The following RHEX variants were observed in gnomAD, a reference collection of about 807,000 sequenced individuals.
RHEX encodes regulator of hemoglobinization and erythroid cell expansion, also known as regulator of hemoglobinization and erythroid cell expansion protein.
Under a neutral mutation model 20.1 loss-of-function variants are expected in RHEX, and 18 were observed. The observed-to-expected ratio is 0.90, with a 90% CI of 0.62 to 1.33. The LOEUF is 1.33. Ranked by LOEUF, RHEX falls within the 40% of genes most tolerant of loss-of-function variation. The probability of loss-of-function intolerance (pLI) is 0.00; values close to 1 mark genes in which losing one functional copy is unlikely to be tolerated. For missense variants in RHEX, 192 were observed against 214.3 expected (o/e 0.90, Z 0.65); for synonymous variants, 87 against 77.1 (o/e 1.13, Z -0.67).
intron 1 of RHEX, among the ~76,000 whole-genome samples, chr1:206,096,763 CTGTT>C (rs1663076337): frequency 7.2e-6 from 1 of 138,606 alleles, no homozygotes. Flanking sequence ...CACAAGTCCC[CTGTT>C]TTTTTTTTTT....
intron 1 of RHEX, among the ~76,000 whole-genome samples, chr1:206,070,471 A>G (rs182099325): frequency 2.1e-3 from 305 of 146,526 alleles, no homozygotes; most frequent in African/African-American, 8.0e-3. Context: ...ATCCCCAAAG[A>G]AAAAAAAATG....
At chr1:206,096,141 G>C (rs994149637) in intron 1 of RHEX, among the ~76,000 whole-genome samples, 1 of 152,126 alleles carries the variant, frequency 6.6e-6, no homozygotes, top group Admixed American at 6.6e-5. Context: ...AATTTGGGGC[G>C]ATTTTCTAAA....
chr1:206,056,370 A>G (rs1483239361), intron 1 of RHEX: 1 of 152,410 alleles, frequency 6.6e-6, no homozygotes, highest in Non-Finnish European at 1.5e-5. Context: ...TCGCGGGACT[A>G]ATTTTCCTTA....
At chr1:206,086,820 G>A (rs1662850089) in intron 1 of RHEX, among the ~76,000 whole-genome samples, 1 of 152,040 alleles carries the variant, frequency 6.6e-6, no homozygotes, top group African/African-American at 2.4e-5. Flanking sequence ...AACAGCCTGG[G>A]CAACATGGCA....
intron 1 of RHEX, among the ~76,000 whole-genome samples, chr1:206,054,532 C>T (rs1467544484): frequency 6.6e-5 from 10 of 152,068 alleles, no homozygotes; most frequent in Admixed American, 1.3e-4. Context: ...AAAGAAAATT[C>T]TGTGTGTAAA....
At chr1:206,092,040 C>T (rs1209088528) in intron 1 of RHEX, among the ~76,000 whole-genome samples, 1 of 150,476 alleles carries the variant, frequency 6.6e-6, no homozygotes, top group Non-Finnish European at 1.5e-5. Flanking sequence ...ATTTCTCTTT[C>T]TTTCTCTCTT....
intron 1 of RHEX, among the ~76,000 whole-genome samples, chr1:206,076,493 TAAA>T (rs1662639295): frequency 6.6e-6 from 1 of 152,234 alleles, no homozygotes; most frequent in Non-Finnish European, 1.5e-5. Context: ...CTTGGTTTCA[TAAA>T]CCTTTTGTAC....
intron 1 of RHEX, among the ~76,000 whole-genome samples, chr1:206,070,988 C>T (rs1662514144): frequency 2.0e-5 from 3 of 152,036 alleles, no homozygotes; most frequent in Non-Finnish European, 1.5e-5. Context: ...ATAAGATATA[C>T]GTATATATAA....
At chr1:206,096,297 A>C (rs782109031) in intron 1 of RHEX, among the ~76,000 whole-genome samples, 7 of 152,276 alleles carry the variant, frequency 4.6e-5, no homozygotes, top group Admixed American at 1.3e-4. Context: ...CCTACTGGCC[A>C]ACCCCCTCAA....
chr1:206,084,346 G>A (rs1662793007), intron 1 of RHEX, among the ~76,000 whole-genome samples: 1 of 152,162 alleles, frequency 6.6e-6, no homozygotes, highest in South Asian at 2.1e-4. Context: ...ATAGAGCTTA[G>A]TATCTGCCGA....
intron 1 of RHEX, among the ~76,000 whole-genome samples, chr1:206,071,859 CA>C (rs1245558004): frequency 0.014 from 645 of 47,270 alleles, 2 homozygotes; most frequent in East Asian, 0.035. Context: ...TCCAACAACT[CA>C]AAAAAAAAAA....
At chr1:206,057,225 G>A (rs538423255) in intron 1 of RHEX, among the ~76,000 whole-genome samples, 4 of 152,358 alleles carry the variant, frequency 2.6e-5, no homozygotes, top group East Asian at 3.8e-4. Context: ...TCTACAAGTC[G>A]CCTATGTCAT....
chr1:206,078,355 C>T (rs1662673054), intron 1 of RHEX, among the ~76,000 whole-genome samples: 1 of 151,926 alleles, frequency 6.6e-6, no homozygotes, highest in South Asian at 2.1e-4. Flanking sequence ...GCTTAGGCAA[C>T]ATAGTGAGAC....
intron 1 of RHEX, chr1:206,062,140 G>A (rs1553283374): frequency 6.6e-6 from 1 of 152,324 alleles, no homozygotes; most frequent in Non-Finnish European, 1.5e-5. Flanking sequence ...AACCCAGGGG[G>A]CGGAAGTTGC....
Position 206,086,560 on chromosome 1 carries a change from G to A in RHEX, c.-96-11173G>A, listed in dbSNP as rs537342368. 9.9e-5 allele frequency among the ~76,000 whole-genome samples: 15 copies of A among 152,238 alleles called. 1 individual carries two copies. The East Asian group carries it at 2.1e-3, about 22-fold the overall frequency. On this transcript the variant is annotated intron_variant, in intron 1 of 5. Coordinates refer to ENST00000331555, the MANE Select transcript of RHEX (RefSeq NM_001007544.4). ...TGTGTCTGAATTATGTCCCCTCCAC[G>A]GGGGATTACAACCTGGTTTTCTCAT...
At chr1:206,072,829 C>CTTTT (rs71152466) in intron 1 of RHEX, among the ~76,000 whole-genome samples, 23 of 121,628 alleles carry the variant, frequency 1.9e-4, no homozygotes, top group African/African-American at 5.2e-4. Flanking sequence ...CCTCCTGTGT[C>CTTTT]TTTTTTTTTT....
Position 206,097,776 on chromosome 1 carries a change from C to T in RHEX, c.-53C>T. ...GTGGCACTACTGAGAGACGAGGTGC[C>T]AGGGTGGTTCCTGAAAGTGCCTGAG... On this transcript the variant is annotated 5_prime_UTR_variant, in exon 2 of 6. Coordinates refer to ENST00000331555, the MANE Select transcript of RHEX (RefSeq NM_001007544.4). The T allele has an allele frequency of 6.2e-7, 1 of 1,614,114 alleles. No homozygotes were observed. Among genetic ancestry groups the T allele is most frequent in the African/African-American group, 1.3e-5 (1 of 75,050 alleles).
At position 206,076,133 on chromosome 1, in the gene RHEX, A is replaced by G. The variant is rs560646291; in HGVS notation, c.-96-21600A>G. Among the ~76,000 whole-genome samples, 8 of 152,238 alleles carry G rather than the reference A, an allele frequency of 5.3e-5. No homozygotes were observed. The East Asian group carries it at 1.5e-3, about 29-fold the overall frequency. On this transcript the variant is annotated intron_variant, in intron 1 of 5. Transcript: ENST00000331555. ...CTTCCAGTCCATTATTATGCTAACA[A>G]AAAAACATGGATCACCAGGGAGTCT... is the stretch of plus-strand genomic sequence containing the variant.
intron 1 of RHEX, among the ~76,000 whole-genome samples, chr1:206,077,128 C>T (rs533532265): frequency 6.6e-6 from 1 of 152,202 alleles, no homozygotes. Flanking sequence ...GAGGTTGTTG[C>T]CAGTGCTTGG....
Sources: gnomAD v4.1 joint callset for allele counts (sites outside exome capture counted in the v4.1 genomes callset) on GRCh38, gnomAD v4.1.1 for gene constraint, MANE v1.5 for transcripts, NCBI Gene and HGNC (gene_info 2026-07-23, HGNC 2026-07-21) for gene names.